The following MED26 variants were observed in gnomAD, a reference collection of about 807,000 sequenced individuals.
MED26 encodes mediator of RNA polymerase II transcription subunit 26.
Under a neutral mutation model 43.7 loss-of-function variants are expected in MED26, and 7 were observed. That is an observed-to-expected ratio of 0.16 (90% CI 0.09 to 0.30). The LOEUF is 0.30. Ranked by LOEUF, MED26 falls within the 10% of genes least tolerant of loss-of-function variation. The pLI is 1.00. For synonymous variants in MED26, 375 were observed against 371.1 expected, an observed-to-expected ratio of 1.01 and a Z score of -0.12; for missense variants, 784 against 840.6, an observed-to-expected ratio of 0.93 and a Z score of 0.83.
intron 1 of MED26, among the ~76,000 whole-genome samples, chr19:16,595,409 T>G (rs2086115790): frequency 6.6e-6 from 1 of 152,174 alleles, no homozygotes; most frequent in African/African-American, 2.4e-5. Flanking sequence ...TGAGAGCATC[T>G]ACTGAGCCAC....
Position 16,577,695 on chromosome 19 carries a change from G to A in MED26, c.148-13C>T, listed in dbSNP as rs892875202. ...CAAGTCGTGTTTCCTACAACCAGAG[G>A]GAGATGATGACATACTTTCGGGACA... On this transcript the variant is annotated splice_polypyrimidine_tract_variant and intron_variant, in intron 2 of 2. Transcript: ENST00000263390. This position sits in a 1 kb window ranked among gnomAD's most constrained non-coding sequence, Gnocchi z 8.1. 22 of 1,549,660 alleles carry A rather than the reference G, an allele frequency of 1.4e-5. 1 individual carries two copies. The Admixed American group carries it at 1.9e-4, about 14-fold the overall frequency.
chr19:16,597,162 C>T (rs975013313), intron 1 of MED26, among the ~76,000 whole-genome samples: 8 of 152,260 alleles, frequency 5.3e-5, no homozygotes, highest in Admixed American at 3.9e-4. Flanking sequence ...TTCTGGGACA[C>T]GGGTACAGTA....
chr19:16,626,928 C>A (rs868698689), intron 1 of MED26, among the ~76,000 whole-genome samples: 2 of 131,044 alleles, frequency 1.5e-5, no homozygotes, highest in East Asian at 2.7e-4. Flanking sequence ...CCCACCCCCC[C>A]ACCCCCGCAA....
At chr19:16,584,996 A>G (rs1222391991) in intron 1 of MED26, among the ~76,000 whole-genome samples, 3 of 152,132 alleles carry the variant, frequency 2.0e-5, no homozygotes, top group African/African-American at 7.2e-5. Context: ...TGGGGCAGCA[A>G]GGGCCGAGGG....
Position 16,575,258 on chromosome 19 carries a change from GA to G in MED26, c.*768del, listed in dbSNP as rs1435556843. ...TAGATGTGTACAGGAAGGGAAAAAA[GA>G]AAAGGGAGGAAGAAAGGAAAGGTTT... On this transcript the variant is annotated 3_prime_UTR_variant, in exon 3 of 3. Coordinates refer to ENST00000263390, the MANE Select transcript of MED26 (RefSeq NM_004831.5). 6.6e-6 allele frequency: 1 copy of G among 152,626 alleles called. No individual in the cohort carries two copies. The highest frequency in any genetic ancestry group is 6.5e-5 in the Admixed American group (1 of 15,272). The allele number at this position is 152,626 out of a possible 1,614,324, so 9.5% of individuals were successfully genotyped here.
chr19:16,584,110 G>A (rs1387577516), intron 1 of MED26, among the ~76,000 whole-genome samples: 1 of 152,026 alleles, frequency 6.6e-6, no homozygotes, highest in Non-Finnish European at 1.5e-5. Context: ...AGGCTTCCAC[G>A]GGCGCGGTGG....
chr19:16,607,239 C>CAT (rs1413848333), intron 1 of MED26, among the ~76,000 whole-genome samples: 1 of 151,942 alleles, frequency 6.6e-6, no homozygotes, highest in Non-Finnish European at 1.5e-5. Flanking sequence ...GGTGTGGTGG[C>CAT]ATATACCTGT....
intron 1 of MED26, among the ~76,000 whole-genome samples, chr19:16,602,359 C>T (rs1158368912): frequency 2.0e-4 from 30 of 152,338 alleles, no homozygotes; most frequent in Non-Finnish European, 2.9e-5. Flanking sequence ...ACCCTGCACA[C>T]AGCCTGGAAC....
At chr19:16,590,669 G>A (rs1271242077) in intron 1 of MED26, among the ~76,000 whole-genome samples, 1 of 152,136 alleles carries the variant, frequency 6.6e-6, no homozygotes, top group African/African-American at 2.4e-5. Flanking sequence ...TGTTACTGAT[G>A]TACTTACAAG....
intron 1 of MED26, among the ~76,000 whole-genome samples, chr19:16,597,667 T>G (rs2086127792): frequency 6.6e-6 from 1 of 152,182 alleles, no homozygotes; most frequent in Non-Finnish European, 1.5e-5. Flanking sequence ...GGTGCAGCCT[T>G]CGTTTACCCT....
chr19:16,594,654 G>A (rs1205920066), intron 1 of MED26, among the ~76,000 whole-genome samples: 1 of 151,802 alleles, frequency 6.6e-6, no homozygotes, highest in Non-Finnish European at 1.5e-5. Context: ...TGAAGAAGGG[G>A]GAAAAAACCA....
At chr19:16,589,332 C>G (rs2086085666) in intron 1 of MED26, 1 of 152,276 alleles carries the variant, frequency 6.6e-6, no homozygotes, top group South Asian at 2.1e-4. Context: ...CAAGCAGCAC[C>G]TACAGAAATG....
In MED26 at chr19:16,577,133, G is replaced by A; in HGVS notation, c.697C>T (p.Pro233Ser). Residue 233 changes from proline to serine, a missense_variant, in exon 3 of 3, where the codon CCG (proline) becomes TCG (serine). Pro to Ser is a moderately conservative substitution (Grantham distance 74). Transcript: ENST00000263390. The surrounding 1 kb of genome is among the most constrained non-coding windows in gnomAD (Gnocchi z 8.1). ...VNAVRPHTSSPGLGKPPGPCL... is the reference protein window; with the variant it reads ...VNAVRPHTSSSGLGKPPGPCL... ...GGTCCAGGGGGCTTGCCCAGGCCCG[G>A]GGAGCTGGTGTGCGGTCGCACGGCG... 6.2e-7 allele frequency: 1 copy of A among 1,613,282 alleles called. No individual in the cohort carries two copies. The highest frequency in any genetic ancestry group is 1.1e-5 in the South Asian group (1 of 91,080).
chr19:16,613,225 T>G (rs2086207803), intron 1 of MED26, among the ~76,000 whole-genome samples: 1 of 152,218 alleles, frequency 6.6e-6, no homozygotes, highest in African/African-American at 2.4e-5. Context: ...TTAAATACTT[T>G]TCTTTCTTTC....
At chr19:16,592,180 G>A (rs1407704901) in intron 1 of MED26, among the ~76,000 whole-genome samples, 1 of 152,202 alleles carries the variant, frequency 6.6e-6, no homozygotes, top group Admixed American at 6.5e-5. Flanking sequence ...GGCACCACCT[G>A]CACCCTGCTT....
intron 1 of MED26, among the ~76,000 whole-genome samples, chr19:16,615,515 G>A (rs552993150): frequency 9.8e-5 from 15 of 152,320 alleles, no homozygotes; most frequent in Middle Eastern, 3.4e-3. Context: ...GGGAGGCCAA[G>A]GTGGGTGGAT....
At chr19:16,620,554 C>T (rs2086247095) in intron 1 of MED26, among the ~76,000 whole-genome samples, 1 of 152,232 alleles carries the variant, frequency 6.6e-6, no homozygotes, top group South Asian at 2.1e-4. Flanking sequence ...ACTAAGGGAG[C>T]AACACCTGCT....
chr19:16,626,913 T>G, intron 1 of MED26, among the ~76,000 whole-genome samples: 1 of 117,634 alleles, frequency 8.5e-6, no homozygotes, highest in East Asian at 2.4e-4. Flanking sequence ...AGATCAGTCT[T>G]CCCCCCCACC....
chr19:16,618,593 A>C (rs897777295), intron 1 of MED26, among the ~76,000 whole-genome samples: 1 of 152,118 alleles, frequency 6.6e-6, no homozygotes, highest in Non-Finnish European at 1.5e-5. Flanking sequence ...TTTTTTCCCC[A>C]AAAACTCCCA....
Sources: gnomAD v4.1 joint callset for allele counts (sites outside exome capture counted in the v4.1 genomes callset) on GRCh38, gnomAD v4.1.1 for gene constraint, Gnocchi (gnomAD v3.1) non-coding constraint, MANE v1.5 for transcripts, NCBI Gene and HGNC (gene_info 2026-07-23, HGNC 2026-07-21) for gene names.